NBEA: variants seen among roughly 807,000 people sequenced by gnomAD.
NBEA encodes lysosomal-trafficking regulator 2.
A neutral mutation model predicts 343.4 loss-of-function variants in NBEA; 44 were observed. That is an observed-to-expected ratio of 0.13 (90% CI 0.10 to 0.16). The LOEUF (loss-of-function observed/expected upper bound fraction) is 0.16, where lower values mean the gene tolerates loss of function less well. Among genes scored for constraint, NBEA ranks in the 10% least tolerant of loss-of-function variants. NBEA has a pLI of 1.00. For missense variants in NBEA, 2,555 were observed against 3,631.3 expected (o/e 0.70, Z 7.62); for synonymous variants, 1,175 against 1,238.7 (o/e 0.95, Z 1.08).
intron 1 of NBEA, among the ~76,000 whole-genome samples, chr13:34,962,561 G>C (rs1451587433): frequency 6.6e-6 from 1 of 152,038 alleles, no homozygotes; most frequent in Admixed American, 6.6e-5. Context: ...ACAGAGTTGA[G>C]GAAACAATTA....
At chr13:35,008,758 A>G (rs2061395138) in intron 1 of NBEA, among the ~76,000 whole-genome samples, 1 of 152,192 alleles carries the variant, frequency 6.6e-6, no homozygotes, top group East Asian at 1.9e-4. Flanking sequence ...GAATCATACA[A>G]TATGGTCTGT....
At chr13:35,029,953 AC>A (rs1269734933) in intron 1 of NBEA, among the ~76,000 whole-genome samples, 1 of 151,614 alleles carries the variant, frequency 6.6e-6, no homozygotes, top group Non-Finnish European at 1.5e-5. Flanking sequence ...CAGCGGTAGT[AC>A]CTTTTAGAAT....
chr13:35,031,203 G>C (rs1279560376), intron 1 of NBEA, among the ~76,000 whole-genome samples: 2 of 151,526 alleles, frequency 1.3e-5, no homozygotes, highest in East Asian at 3.9e-4. Flanking sequence ...CCAACCTTTT[G>C]TTTTTATATA....
chr13:35,160,471 C>T (rs759800759), intron 22 of NBEA, among the ~76,000 whole-genome samples: 2 of 152,078 alleles, frequency 1.3e-5, no homozygotes, highest in Non-Finnish European at 2.9e-5. Context: ...GGACTTGGAG[C>T]CCAGATTGAA....
At chr13:35,014,601 T>C (rs2061588769) in intron 1 of NBEA, among the ~76,000 whole-genome samples, 1 of 152,170 alleles carries the variant, frequency 6.6e-6, no homozygotes, top group African/African-American at 2.4e-5. Context: ...GCAGAATCTC[T>C]ACTTAAAAGC....
At chr13:35,555,774 T>C (rs2079546046) in intron 44 of NBEA, among the ~76,000 whole-genome samples, 3 of 152,056 alleles carry the variant, frequency 2.0e-5, no homozygotes, top group African/African-American at 7.2e-5. Context: ...TAAACCAGGC[T>C]CTACAAAAAG....
chr13:35,305,738 G>A (rs953480109), intron 35 of NBEA, among the ~76,000 whole-genome samples: 1 of 152,178 alleles, frequency 6.6e-6, no homozygotes, highest in Non-Finnish European at 1.5e-5. Context: ...CATGTTTTAA[G>A]CCCCTGAGAT....
chr13:35,017,608 T>C, intron 1 of NBEA, among the ~76,000 whole-genome samples: 1 of 152,162 alleles, frequency 6.6e-6, no homozygotes, highest in East Asian at 1.9e-4. Context: ...TTTTTATATC[T>C]TTTTTTGAAA....
intron 32 of NBEA, among the ~76,000 whole-genome samples, chr13:35,209,331 C>T (rs1030263436): frequency 6.6e-6 from 1 of 152,136 alleles, no homozygotes; most frequent in South Asian, 2.1e-4. Context: ...GATATGCAAG[C>T]GCCTCAACTT....
At chr13:35,099,489 C>T (rs865846349) in intron 11 of NBEA, among the ~76,000 whole-genome samples, 2 of 152,050 alleles carry the variant, frequency 1.3e-5, no homozygotes, top group Admixed American at 6.6e-5. Flanking sequence ...CATGAACCAC[C>T]GCGCCTGGCC....
At chr13:35,388,697 T>A (rs2042363101) in intron 38 of NBEA, among the ~76,000 whole-genome samples, 1 of 152,220 alleles carries the variant, frequency 6.6e-6, no homozygotes, top group Admixed American at 6.5e-5. Context: ...TGTGCTTAGT[T>A]AAATAAATGT....
chr13:35,087,428 G>A (rs2064831842), intron 10 of NBEA, among the ~76,000 whole-genome samples: 1 of 151,848 alleles, frequency 6.6e-6, no homozygotes, highest in Non-Finnish European at 1.5e-5. Flanking sequence ...TATGAATTTG[G>A]AAGTGGAAGG....
chr13:35,359,738 A>G (rs1358458468), intron 38 of NBEA, among the ~76,000 whole-genome samples: 1 of 151,882 alleles, frequency 6.6e-6, no homozygotes, highest in African/African-American at 2.4e-5. Flanking sequence ...CTTTTTGGAT[A>G]TTTCCTATTG....
intron 36 of NBEA, among the ~76,000 whole-genome samples, chr13:35,327,527 C>T (rs2038649195): frequency 6.6e-6 from 1 of 151,972 alleles, no homozygotes; most frequent in Non-Finnish European, 1.5e-5. Flanking sequence ...AAAGTTGGAA[C>T]AGAAAACAAA....
At chr13:35,352,367 TTATAA>T in intron 38 of NBEA, 44 bp downstream of exon 38, 1 of 1,066,436 alleles carries the variant, frequency 9.4e-7, no homozygotes, top group Non-Finnish European at 1.3e-6. Flanking sequence ...CATAGGTTAA[TTATAA>T]TAGTTGGTAA....
chr13:35,088,468 A>G (rs1191370558), intron 10 of NBEA, among the ~76,000 whole-genome samples: 3 of 151,832 alleles, frequency 2.0e-5, no homozygotes, highest in South Asian at 2.1e-4. Context: ...CTCAAACTAT[A>G]TGGTCTGGGG....
Position 35,308,661 on chromosome 13 carries a change from T to C in NBEA, c.5839-867T>C, listed in dbSNP as rs112607796. Among the ~76,000 whole-genome samples the C allele has an allele frequency of 1.4e-3, 208 of 144,894 alleles. 1 individual carries two copies. The highest frequency in any genetic ancestry group is 4.8e-3 in the African/African-American group (191 of 39,662). On this transcript the variant is annotated intron_variant, in intron 35 of 58. Coordinates refer to ENST00000379939, the MANE Select transcript of NBEA (RefSeq NM_001385012.1). ...ATATATATATGTATTTAAAACCCCA[T>C]ATATATATTTAACCCCAAATATATA...
intron 34 of NBEA, among the ~76,000 whole-genome samples, chr13:35,278,408 C>T (rs1166904473): frequency 6.6e-6 from 1 of 152,048 alleles, no homozygotes; most frequent in African/African-American, 2.4e-5. Flanking sequence ...ATGTTCAAGC[C>T]TAATCCCTGC....
intron 38 of NBEA, among the ~76,000 whole-genome samples, chr13:35,425,450 AGC>A (rs2044598507): frequency 6.6e-6 from 1 of 152,042 alleles, no homozygotes; most frequent in Non-Finnish European, 1.5e-5. Flanking sequence ...CATGTAGTTG[AGC>A]GGTTTTGAGT....
Sources: gnomAD v4.1 joint callset for allele counts (sites outside exome capture counted in the v4.1 genomes callset) on GRCh38, gnomAD v4.1.1 for gene constraint, MANE v1.5 for transcripts, NCBI Gene and HGNC (gene_info 2026-07-23, HGNC 2026-07-21) for gene names.